SCML4: variants seen among roughly 807,000 people sequenced by gnomAD.
The protein encoded by SCML4 is Scm polycomb group protein like 4, also known as sex comb on midleg-like protein 4.
Under a neutral mutation model 41.1 loss-of-function variants are expected in SCML4, and 34 were observed. The observed-to-expected ratio is 0.83, with a 90% CI of 0.63 to 1.10. SCML4 has a LOEUF of 1.10. Among genes scored for constraint, SCML4 ranks in the 50% least tolerant of loss-of-function variants. The probability of loss-of-function intolerance (pLI) is 0.00; values close to 1 mark genes in which losing one functional copy is unlikely to be tolerated. For synonymous variants in SCML4, 214 were observed against 220.9 expected, an observed-to-expected ratio of 0.97 and a Z score of 0.28; for missense variants, 522 against 534.1, an observed-to-expected ratio of 0.98 and a Z score of 0.22.
At chr6:107,712,625 A>C (rs554286008) in intron 6 of SCML4, among the ~76,000 whole-genome samples, 9 of 152,204 alleles carry the variant, frequency 5.9e-5, no homozygotes, top group Non-Finnish European at 1.2e-4. Flanking sequence ...CATACAAGAC[A>C]GAGGGCAGCA....
At chr6:107,717,431 CA>C (rs1217850458) in intron 6 of SCML4, among the ~76,000 whole-genome samples, 7 of 152,164 alleles carry the variant, frequency 4.6e-5, no homozygotes, top group Non-Finnish European at 1.5e-5. Flanking sequence ...AGCTTTTCTC[CA>C]AAGAGGTTAG....
intron 1 of SCML4, among the ~76,000 whole-genome samples, chr6:107,790,545 G>A (rs1375207956): frequency 4.6e-5 from 7 of 152,152 alleles, no homozygotes; most frequent in Non-Finnish European, 1.0e-4. Flanking sequence ...CCATGCAACA[G>A]CCGTTAAGTC....
chr6:107,839,377 GAAAGAAAGAA>G, the SCML4 span, among the ~76,000 whole-genome samples: 1 of 141,336 alleles, frequency 7.1e-6, no homozygotes, highest in Non-Finnish European at 1.5e-5. Context: ...AGGAAAGAAA[GAAAGAAAGAA>G]AGAAAGAAAG....
In SCML4 at chr6:107,772,296, C is replaced by G. The variant is rs1376925369; in HGVS notation, c.32G>C (p.Arg11Pro). The change falls in exon 2 of 8, where the codon CGA becomes CCA. Residue 11 changes from arginine (R) to proline (P), a missense_variant. Coordinates refer to ENST00000369020, the MANE Select transcript of SCML4 (RefSeq NM_198081.5). ...CGTGGAGTGAAGTGAGGGTCGGCCT[C>G]GCTTTCTCCCCGGGATCCTTTGAGA... Reference protein sequence around the residue: MQSQRIPGRKRGRPSLHSTPM... With the variant: MQSQRIPGRKPGRPSLHSTPM... The G allele has an allele frequency of 1.9e-6, 3 of 1,551,610 alleles. No individual in the cohort carries two copies. The highest frequency in any genetic ancestry group is 2.4e-5 in the South Asian group (2 of 84,030).
intron 1 of SCML4, among the ~76,000 whole-genome samples, chr6:107,815,175 T>C (rs1784473815): frequency 6.6e-6 from 1 of 152,088 alleles, no homozygotes; most frequent in African/African-American, 2.4e-5. Flanking sequence ...TGCTCAACAG[T>C]GATGGTAACA....
chr6:107,751,063 T>C (rs1332048836), intron 2 of SCML4, among the ~76,000 whole-genome samples: 3 of 152,206 alleles, frequency 2.0e-5, no homozygotes, highest in African/African-American at 7.2e-5. Context: ...CCCAACACTC[T>C]TCCAGCTGCT....
chr6:107,776,541 G>A (rs1780964168), intron 1 of SCML4, among the ~76,000 whole-genome samples: 1 of 152,182 alleles, frequency 6.6e-6, no homozygotes, highest in Non-Finnish European at 1.5e-5. Flanking sequence ...TTTGTCAATT[G>A]CCAGATTGAT....
chr6:107,768,270 C>G (rs9486685), intron 2 of SCML4, among the ~76,000 whole-genome samples: 18,008 of 152,078 alleles, frequency 0.12, 1,327 homozygotes, highest in African/African-American at 0.21. Flanking sequence ...GGTCCCCACC[C>G]CATGGAGCCA....
chr6:107,766,032 C>A (rs1780006696), intron 2 of SCML4, among the ~76,000 whole-genome samples: 1 of 152,188 alleles, frequency 6.6e-6, no homozygotes. Flanking sequence ...TGCCTGTAGT[C>A]CCAGCTGTTT....
At chr6:107,715,773 G>A (rs1315791797) in intron 6 of SCML4, among the ~76,000 whole-genome samples, 2 of 152,186 alleles carry the variant, frequency 1.3e-5, no homozygotes, top group East Asian at 3.9e-4. Flanking sequence ...AGTTTGTCAA[G>A]TCATCAATAC....
At chr6:107,803,347 C>T (rs531730206) in intron 1 of SCML4, among the ~76,000 whole-genome samples, 14 of 148,448 alleles carry the variant, frequency 9.4e-5, no homozygotes, top group South Asian at 2.2e-4. Flanking sequence ...GGAGCGTCTC[C>T]GCCCGGCAGC....
chr6:107,744,997 T>G lies in SCML4; in HGVS notation c.634A>C (p.Ser212Arg). 1.9e-6 allele frequency: 3 copies of G among 1,613,906 alleles called. No individual in the cohort carries two copies. The highest frequency in any genetic ancestry group is 1.3e-5 in the African/African-American group (1 of 75,036). ...TTCTCCTGGACTTTCTCAGAGGCAC[T>G]GCAGCCCCTGGGGAAGGGCTGGTGG... Reference protein sequence around the residue: ...FSHQPFPRGCSASEKVQEKEE... With the variant: ...FSHQPFPRGCRASEKVQEKEE... The change falls in exon 5 of 8, where the codon AGT (serine) becomes CGT (arginine). Residue 212 changes from serine to arginine, a missense_variant. Physicochemically the swap from Ser to Arg is moderately radical, Grantham distance 110 (BLOSUM62 -1). Coordinates refer to ENST00000369020, the MANE Select transcript of SCML4 (RefSeq NM_198081.5).
In SCML4 at chr6:107,746,703, C is replaced by T. The variant is rs142985964; in HGVS notation, c.473G>A (p.Gly158Asp). 3,531 of 1,614,002 alleles carry T rather than the reference C, an allele frequency of 2.2e-3. 4 individuals carry two copies. Among genetic ancestry groups the T allele is most frequent in the Non-Finnish European group, 2.8e-3 (3,295 of 1,179,940 alleles). Residue 158 changes from glycine to aspartate, a missense_variant, in exon 4 of 8, where the codon GGT becomes GAT. Transcript: ENST00000369020. ...CCAGGCCTTACCTGACACCATCTCA[C>T]CACCATAGCCCTGCTTGACCAGGGA... ...VFSLVKQGYG[G>D]EMVSVSASFD...
chr6:107,732,843 T>C (rs547164710), intron 5 of SCML4, among the ~76,000 whole-genome samples: 1 of 152,256 alleles, frequency 6.6e-6, no homozygotes, highest in South Asian at 2.1e-4. Context: ...CTTGGGGAAA[T>C]TAAAAGTGGT....
At chr6:107,720,519 A>G in intron 6 of SCML4, 184 bp downstream of exon 6, 2 of 1,379,486 alleles carry the variant, frequency 1.4e-6, no homozygotes, top group South Asian at 2.1e-5. Context: ...TTCTTTGCTT[A>G]TCAAAGGTTG....
rs141923062 is a variant in SCML4 at position 107,713,831 on chromosome 6, T to C, written c.974-5820A>G. Among the ~76,000 whole-genome samples the C allele has an allele frequency of 4.6e-3, 708 of 152,274 alleles. 6 individuals are homozygous for C. Among genetic ancestry groups the C allele is most frequent in the African/African-American group, 0.016 (669 of 41,544 alleles). ...GCATCTCCAAGTGACCTGCTCCCAC[T>C]AGATGCATCCTTTCTAGATACAATG... On this transcript the variant is annotated intron_variant, in intron 6 of 7. Transcript: ENST00000369020.
At chr6:107,778,431 C>T (rs1781211497) in intron 1 of SCML4, among the ~76,000 whole-genome samples, 1 of 151,416 alleles carries the variant, frequency 6.6e-6, no homozygotes, top group African/African-American at 2.4e-5. Context: ...GTCCCTAAAA[C>T]AGCCTAGTCA....
At chr6:107,751,638 CTTTCT>C (rs1554211248) in intron 2 of SCML4, among the ~76,000 whole-genome samples, 29 of 128,520 alleles carry the variant, frequency 2.3e-4, no homozygotes, top group African/African-American at 8.5e-4. Flanking sequence ...TTCTTTCTTT[CTTTCT>C]TTCTTTTTTG....
intron 1 of SCML4, among the ~76,000 whole-genome samples, chr6:107,813,397 TATATATATATATATATATATATATATAA>T (rs1461877597): frequency 0.12 from 7,657 of 63,432 alleles, 694 homozygotes; most frequent in African/African-American, 0.2. Context: ...TATATATATA[TATATATATATATATATATATATATATAA>T]AACTGTAAAA....
Sources: gnomAD v4.1 joint callset for allele counts (sites outside exome capture counted in the v4.1 genomes callset) on GRCh38, gnomAD v4.1.1 for gene constraint, MANE v1.5 for transcripts, NCBI Gene and HGNC (gene_info 2026-07-23, HGNC 2026-07-21) for gene names.